Variants in SNX17 observed in about 807,000 individuals in gnomAD.
SNX17 encodes sorting nexin-17.
SNX17 carries 35 observed loss-of-function variants against 64.3 expected under a neutral mutation model. The observed-to-expected ratio is 0.54, with a 90% CI of 0.42 to 0.72. The LOEUF (loss-of-function observed/expected upper bound fraction) is 0.72, where lower values mean the gene tolerates loss of function less well. Among genes scored for constraint, SNX17 ranks in the 30% least tolerant of loss-of-function variants. The probability of loss-of-function intolerance (pLI) is 0.00; values close to 1 mark genes in which losing one functional copy is unlikely to be tolerated. For synonymous variants in SNX17, 259 were observed against 230.2 expected (o/e 1.13, Z -1.13); for missense variants, 538 against 610.0 (o/e 0.88, Z 1.24).
Position 27,376,417 on chromosome 2 carries a change from G to A in SNX17, c.1257+30G>A, listed in dbSNP as rs367546906. On this transcript the variant is annotated intron_variant, in intron 13 of 14. Transcript: ENST00000233575. ...GTATTACCTCCTGGTCAGAACCCTG[G>A]CTCTCAGCCCTGCCTCACCTCTCCT... 28 of 1,613,866 alleles carry A rather than the reference G, an allele frequency of 1.7e-5. No homozygotes were observed. In the African/African-American group the frequency reaches 3.2e-4, roughly 18 times the overall value.
In SNX17 at chr2:27,375,167, C is replaced by G; in HGVS notation, c.774+14C>G. 2 of 1,611,994 alleles carry G rather than the reference C, an allele frequency of 1.2e-6. No individual in the cohort carries two copies. Among genetic ancestry groups the G allele is most frequent in the Non-Finnish European group, 1.7e-6 (2 of 1,178,118 alleles). ...TCCAAGAAGGAGGTGAGCCCTGCCT[C>G]CTCTCTGTCTTCCTCTAAGGGCTTG... On this transcript the variant is annotated intron_variant, in intron 9 of 14. Transcript: ENST00000233575. This position sits in a 1 kb window ranked among gnomAD's most constrained non-coding sequence, Gnocchi z 4.1.
intron 14 of SNX17, 28 bp downstream of exon 14, chr2:27,376,548 G>A (rs756479597): frequency 2.5e-6 from 4 of 1,614,082 alleles, no homozygotes; most frequent in Admixed American, 1.7e-5. Context: ...TGAGGTTGCT[G>A]TTTGTTGGGG....
intron 8 of SNX17, 73 bp from the exon 9 acceptor site, chr2:27,374,988 G>A: frequency 7.2e-7 from 1 of 1,379,530 alleles, no homozygotes. Context: ...AGGCTGGACA[G>A]AGGTAATGGT....
chr2:27,372,967 G>A (rs1454940653), intron 3 of SNX17: 2 of 1,394,110 alleles, frequency 1.4e-6, no homozygotes, highest in East Asian at 2.5e-5. Flanking sequence ...TATAACACTA[G>A]TCTTAATATC....
chr2:27,374,264 A>G, intron 6 of SNX17, 82 bp from the exon 7 acceptor site: 3 of 1,500,570 alleles, frequency 2.0e-6, no homozygotes, highest in Non-Finnish European at 2.8e-6. Flanking sequence ...CCCAGAATGA[A>G]CATTGCCTCA....
At position 27,373,895 on chromosome 2, in the gene SNX17, T is replaced by TGGAAGTGCTGCTCAGCAACGGGCA. The variant is rs1558303616; in HGVS notation, c.358_381dup (p.Glu120_Gln127dup). The TGGAAGTGCTGCTCAGCAACGGGCA allele has an allele frequency of 3.1e-6, 5 of 1,614,042 alleles. No homozygotes were observed. The highest frequency in any genetic ancestry group is 2.5e-6 in the Non-Finnish European group (3 of 1,180,026). ...CAGGTCCCCACAGAGGAAGTGTCCT[T>TGGAAGTGCTGCTCAGCAACGGGCA]GGAAGTGCTGCTCAGCAACGGGCAG... On this transcript the variant is annotated inframe_insertion, in exon 5 of 15. Transcript: ENST00000233575.
intron 11 of SNX17, 32 bp from the exon 12 acceptor site, chr2:27,376,074 C>G (rs375500824): frequency 1.9e-6 from 3 of 1,613,524 alleles, no homozygotes; most frequent in African/African-American, 1.3e-5. Context: ...AGTGACCACT[C>G]TCATCAAGCT....
Position 27,374,339 on chromosome 2 carries a change from C to A in SNX17, c.524-7C>A, listed in dbSNP as rs1682948860. On this transcript the variant is annotated splice_polypyrimidine_tract_variant and splice_region_variant and intron_variant, in intron 6 of 14. Transcript: ENST00000233575. Reference sequence around the variant, plus strand: ...TATATTTTCATTTTTTTTTTTTTAACCTGTAGTTGTACGGAAGTTGCAAGA... The same window carrying A: ...TATATTTTCATTTTTTTTTTTTTAAACTGTAGTTGTACGGAAGTTGCAAGA... The A allele has an allele frequency of 1.3e-6, 2 of 1,565,416 alleles. No homozygotes were observed. Among genetic ancestry groups the A allele is most frequent in the Non-Finnish European group, 8.7e-7 (1 of 1,150,506 alleles).
chr2:27,372,096 C>T (rs1682665455), intron 2 of SNX17, among the ~76,000 whole-genome samples: 2 of 152,146 alleles, frequency 1.3e-5, no homozygotes, highest in African/African-American at 2.4e-5. Flanking sequence ...GTTGGCCAGG[C>T]TGGTCTCAAA....
In SNX17 at chr2:27,376,753, G is replaced by A; in HGVS notation, c.*34G>A. 1 of 1,581,846 alleles carries A rather than the reference G, an allele frequency of 6.3e-7. No individual in the cohort carries two copies. Among genetic ancestry groups the A allele is most frequent in the Non-Finnish European group, 8.7e-7 (1 of 1,152,396 alleles). On this transcript the variant is annotated 3_prime_UTR_variant, in exon 15 of 15. Coordinates refer to ENST00000233575, the MANE Select transcript of SNX17 (RefSeq NM_014748.4). The stretch of plus-strand genomic sequence containing the variant: ...GCTTGGATGTCTGCCCTCTACCCCA[G>A]AGGAATTTACAGAAACTTGCCCTGT...
Position 27,375,090 on chromosome 2 carries a change from C to T in SNX17, c.711C>T (p.Ile237=), listed in dbSNP as rs1683036335. 1 of 1,613,990 alleles carries T rather than the reference C, an allele frequency of 6.2e-7. No homozygotes were observed. Among genetic ancestry groups the T allele is most frequent in the African/African-American group, 1.3e-5 (1 of 74,898 alleles). The change falls in exon 9 of 15, where the codon ATC becomes ATT. Residue 237 remains isoleucine (I), a synonymous_variant. Transcript: ENST00000233575. This position sits in a 1 kb window ranked among gnomAD's most constrained non-coding sequence, Gnocchi z 4.1. ...QTVSDIERGW[I]LVTKEQHRQL... ...TATCAGATATTGAGCGTGGGTGGAT[C>T]TTGGTCACCAAGGAACAGCACCGGC...
rs553707280 is a variant in SNX17, at chr2:27,375,983, C to T, written c.1104+12C>T. The T allele has an allele frequency of 4.7e-5, 76 of 1,613,988 alleles. No homozygotes were observed. The Middle Eastern group carries it at 1.5e-3, about 32-fold the overall frequency. On this transcript the variant is annotated intron_variant, in intron 11 of 14. Transcript: ENST00000233575. This position sits in a 1 kb window ranked among gnomAD's most constrained non-coding sequence, Gnocchi z 4.1. ...TCACTAGCCCCCAGGTGTGAACCTA[C>T]CCTCAGCCCTCCTCTGGAGCACCTT...
intron 8 of SNX17, 115 bp downstream of exon 8, chr2:27,374,873 T>C (rs1683006246): frequency 9.3e-7 from 1 of 1,071,854 alleles, no homozygotes. Flanking sequence ...GTTCCTAGAA[T>C]ACTATCAGTG....
rs1050623709 is a variant in SNX17, at chr2:27,377,447, T to G, written c.*728T>G. 1 of 1,372,892 alleles carries G rather than the reference T, an allele frequency of 7.3e-7. No homozygotes were observed. Among genetic ancestry groups the G allele is most frequent in the Admixed American group, 1.8e-5 (1 of 55,122 alleles). The allele number at this position is 1,372,892 out of a possible 1,614,324, so 85.0% of individuals were successfully genotyped here. On this transcript the variant is annotated 3_prime_UTR_variant, in exon 15 of 15. Coordinates refer to ENST00000233575, the MANE Select transcript of SNX17 (RefSeq NM_014748.4). The surrounding 1 kb of genome is among the most constrained non-coding windows in gnomAD (Gnocchi z 4.4). ...GCCCATGGGGTTGGGCTGGTCCTTA[T>G]AGTGCCTACGTTAGTCTGTGTGGAG...
Position 27,372,651 on chromosome 2 carries a change from T to C in SNX17, c.167T>C (p.Leu56Pro). ...QLRKEYGANV[L>P]PAFPPKKLFS... ...CGGAAGGAGTATGGGGCCAATGTGC[T>C]TCCTGCATTCCCCCCAAAGAAGCTT... Residue 56 changes from leucine to proline, a missense_variant, in exon 3 of 15, where the codon CTT becomes CCT. Leu to Pro is a moderately conservative substitution (Grantham distance 98, BLOSUM62 -3). This residue lies in a region of SNX17 where 505 missense variants were observed against 550.4 expected (regional missense o/e 0.92). Coordinates refer to ENST00000233575, the MANE Select transcript of SNX17 (RefSeq NM_014748.4). 1 of 1,614,210 alleles carries C rather than the reference T, an allele frequency of 6.2e-7. No homozygotes were observed. Among genetic ancestry groups the C allele is most frequent in the South Asian group, 1.1e-5 (1 of 91,088 alleles).
Position 27,370,706 on chromosome 2 carries a change from C to T in SNX17, c.-38C>T, listed in dbSNP as rs1682383141. The T allele has an allele frequency of 2.0e-6, 3 of 1,526,978 alleles. No homozygotes were observed. The highest frequency in any genetic ancestry group is 4.1e-5 in the Admixed American group (2 of 49,352). The allele number at this position is 1,526,978 out of a possible 1,614,324, so 94.6% of individuals were successfully genotyped here. A position where few individuals can be genotyped will look rare whatever the true frequency, so the allele number is the denominator to read the frequency against. On this transcript the variant is annotated 5_prime_UTR_variant, in exon 1 of 15. Coordinates refer to ENST00000233575, the MANE Select transcript of SNX17 (RefSeq NM_014748.4). ...GAGCGTGCAGAGCCGCTGCGGCCCT[C>T]ACAGTCCGGAGCCCGGCCGTGCCGT...
At position 27,377,478 on chromosome 2, in the gene SNX17, G is replaced by A. The variant is rs775007132; in HGVS notation, c.*759G>A. 3 of 1,554,194 alleles carry A rather than the reference G, an allele frequency of 1.9e-6. No individual in the cohort carries two copies. Among genetic ancestry groups the A allele is most frequent in the Non-Finnish European group, 2.7e-6 (3 of 1,130,386 alleles). ...CTACGTTAGTCTGTGTGGAGCCCCT[G>A]GCCAGCGGGGGAGAAAAAGGTGGCT... is the stretch of plus-strand genomic sequence containing the variant. On this transcript the variant is annotated 3_prime_UTR_variant, in exon 15 of 15. Transcript: ENST00000233575. The surrounding 1 kb of genome is among the most constrained non-coding windows in gnomAD (Gnocchi z 4.4).
chr2:27,372,473 A>G (rs1682729830), intron 2 of SNX17, 150 bp from the exon 3 acceptor site: 1 of 1,093,170 alleles, frequency 9.1e-7, no homozygotes, highest in Non-Finnish European at 1.3e-6. Context: ...ACCGCTGTCA[A>G]AGGAATTGTT....
At position 27,375,170 on chromosome 2, in the gene SNX17, C is replaced by G. The variant is rs1338805710; in HGVS notation, c.774+17C>G. On this transcript the variant is annotated intron_variant, in intron 9 of 14. Coordinates refer to ENST00000233575, the MANE Select transcript of SNX17 (RefSeq NM_014748.4). This position sits in a 1 kb window ranked among gnomAD's most constrained non-coding sequence, Gnocchi z 4.1. ...AAGAAGGAGGTGAGCCCTGCCTCCT[C>G]TCTGTCTTCCTCTAAGGGCTTGCAG... 3.1e-6 allele frequency: 5 copies of G among 1,605,012 alleles called. No homozygotes were observed. In the South Asian group the frequency reaches 4.4e-5, roughly 14 times the overall value.
Sources: allele counts gnomAD v4.1 joint callset (sites outside exome capture counted in the v4.1 genomes callset), GRCh38; gene constraint gnomAD v4.1.1; regional missense constraint gnomAD v4.1.1; non-coding constraint Gnocchi (gnomAD v3.1); transcripts MANE v1.5; gene names NCBI Gene and HGNC (gene_info 2026-07-23, HGNC 2026-07-21).